The following CSMD2 variants were observed in gnomAD, a reference collection of about 807,000 sequenced individuals.
CSMD2 encodes CUB and sushi domain-containing protein 2.
A neutral mutation model predicts 398.5 loss-of-function variants in CSMD2; 130 were observed. The observed-to-expected ratio is 0.33, with a 90% CI of 0.28 to 0.38. The LOEUF (loss-of-function observed/expected upper bound fraction) is 0.38. Among genes scored for constraint, CSMD2 ranks in the 10% least tolerant of loss-of-function variants. The pLI is 1.00. For synonymous variants in CSMD2, 1,828 were observed against 1,908.5 expected (o/e 0.96, Z 1.10); for missense variants, 3,829 against 4,764.9 (o/e 0.80, Z 5.78).
At chr1:34,128,304 G>A (rs552422731) in intron 1 of CSMD2, among the ~76,000 whole-genome samples, 13 of 152,252 alleles carry the variant, frequency 8.5e-5, no homozygotes, top group South Asian at 2.1e-4. Context: ...AGACTGAGGC[G>A]GAAAACCTCT....
rs538276528 is a variant in CSMD2 at position 33,656,100 on chromosome 1, G to A, written c.4447+1846C>T. ...GATGGAATTCTGGCTTAGGGAAGGGGAAGGGAGTCTGAAGACTTGAAAGAA... is the reference window on the plus strand; with the variant it reads ...GATGGAATTCTGGCTTAGGGAAGGGAAAGGGAGTCTGAAGACTTGAAAGAA... On this transcript the variant is annotated intron_variant, in intron 27 of 70. Transcript: ENST00000373381. Among the ~76,000 whole-genome samples, 131 of 147,830 alleles carry A rather than the reference G, an allele frequency of 8.9e-4. 1 individual carries two copies. In the East Asian group the frequency reaches 0.023, roughly 26 times the overall value.
intron 6 of CSMD2, among the ~76,000 whole-genome samples, chr1:33,830,345 T>C (rs929696495): frequency 2.6e-5 from 4 of 152,132 alleles, no homozygotes; most frequent in Admixed American, 6.5e-5. Context: ...GCAGCATTCG[T>C]GGTTCACGAA....
intron 3 of CSMD2, among the ~76,000 whole-genome samples, chr1:33,983,450 G>T (rs1056114618): frequency 2.6e-5 from 4 of 152,146 alleles, no homozygotes; most frequent in Non-Finnish European, 4.4e-5. Flanking sequence ...TTGGAGACTG[G>T]TTATGTAGAA....
intron 53 of CSMD2, among the ~76,000 whole-genome samples, chr1:33,564,078 T>A (rs1040670522): frequency 2.5e-4 from 38 of 151,316 alleles, no homozygotes; most frequent in Non-Finnish European, 5.2e-4. Context: ...TACCATCATC[T>A]TCATCATCAT....
intron 3 of CSMD2, among the ~76,000 whole-genome samples, chr1:33,937,040 A>C (rs1176763362): frequency 6.6e-6 from 1 of 152,134 alleles, no homozygotes; most frequent in Non-Finnish European, 1.5e-5. Flanking sequence ...AAGTCTTTTA[A>C]CCTTTTTGCA....
chr1:33,719,744 T>C (rs1329538693), intron 19 of CSMD2, among the ~76,000 whole-genome samples: 1 of 152,166 alleles, frequency 6.6e-6, no homozygotes, highest in Non-Finnish European at 1.5e-5. Flanking sequence ...AGGTTCCAGG[T>C]TCTTCAACTG....
At chr1:34,111,795 A>G (rs1035364107) in intron 1 of CSMD2, among the ~76,000 whole-genome samples, 24 of 152,064 alleles carry the variant, frequency 1.6e-4, no homozygotes, top group African/African-American at 5.6e-4. Context: ...GGGAGAGAGA[A>G]AAAGATTTGG....
chr1:34,041,806 A>C (rs1279681453), intron 2 of CSMD2, among the ~76,000 whole-genome samples: 1 of 152,210 alleles, frequency 6.6e-6, no homozygotes, highest in African/African-American at 2.4e-5. Context: ...TGGCAAAGAA[A>C]AAGGACCACA....
intron 65 of CSMD2, among the ~76,000 whole-genome samples, chr1:33,526,466 T>C (rs1654784143): frequency 6.6e-6 from 1 of 152,256 alleles, no homozygotes; most frequent in African/African-American, 2.4e-5. Flanking sequence ...AAATGACTAA[T>C]GTTGTAAATT....
intron 9 of CSMD2, among the ~76,000 whole-genome samples, chr1:33,816,812 C>T (rs925948560): frequency 2.0e-5 from 3 of 152,194 alleles, no homozygotes; most frequent in Non-Finnish European, 4.4e-5. Flanking sequence ...ATCACTGATT[C>T]ATTCAGGTGG....
intron 64 of CSMD2, among the ~76,000 whole-genome samples, chr1:33,527,550 G>T (rs1341495285): frequency 1.3e-5 from 2 of 152,104 alleles, no homozygotes; most frequent in African/African-American, 4.8e-5. Flanking sequence ...CTTTATTACT[G>T]CATTAAATAA....
intron 22 of CSMD2, among the ~76,000 whole-genome samples, chr1:33,701,009 C>T (rs913838036): frequency 6.6e-6 from 1 of 152,150 alleles, no homozygotes; most frequent in Admixed American, 6.5e-5. Context: ...CCTGGGGAGG[C>T]CAGGTTTGGG....
chr1:33,681,701 C>T (rs1296850542), intron 25 of CSMD2, among the ~76,000 whole-genome samples: 5 of 152,188 alleles, frequency 3.3e-5, no homozygotes, highest in Non-Finnish European at 5.9e-5. Flanking sequence ...CATGATGGCT[C>T]ATGCCTGTAA....
rs1035663622 is a variant in CSMD2 at position 33,612,062 on chromosome 1, GC to G, written c.6134-813del. Among the ~76,000 whole-genome samples the G allele has an allele frequency of 6.6e-5, 10 of 152,282 alleles. No homozygotes were observed. In the East Asian group the frequency reaches 9.6e-4, roughly 15 times the overall value. On this transcript the variant is annotated intron_variant, in intron 40 of 70. Coordinates refer to ENST00000373381, the MANE Select transcript of CSMD2 (RefSeq NM_001281956.2). ...AACATGGAAGAATATTAATTTGCCT[GC>G]TAGGAATATTTGCTGGGCATTTGCT...
intron 68 of CSMD2, among the ~76,000 whole-genome samples, chr1:33,520,322 T>C (rs1444182670): frequency 6.6e-6 from 1 of 152,208 alleles, no homozygotes; most frequent in South Asian, 2.1e-4. Flanking sequence ...CACAACAAAA[T>C]ATAAGACAGA....
chr1:34,077,403 G>A (rs1656531378), intron 2 of CSMD2, among the ~76,000 whole-genome samples: 1 of 130,412 alleles, frequency 7.7e-6, no homozygotes, highest in Non-Finnish European at 1.6e-5. Flanking sequence ...CTTGCACTGA[G>A]CCAAGATTGT....
chr1:34,009,931 G>A (rs147196712), intron 3 of CSMD2, among the ~76,000 whole-genome samples: 1 of 152,252 alleles, frequency 6.6e-6, no homozygotes, highest in East Asian at 1.9e-4. Context: ...TTTCCTAAGT[G>A]GGCTCCCAGC....
chr1:33,592,337 C>T (rs1639516169), intron 44 of CSMD2: 8 of 714,340 alleles, frequency 1.1e-5, no homozygotes, highest in South Asian at 8.9e-5. Context: ...AAAGTAGAAT[C>T]TCTTGGGTCC....
chr1:33,677,668 T>C (rs1327267985), intron 25 of CSMD2, among the ~76,000 whole-genome samples: 1 of 152,176 alleles, frequency 6.6e-6, no homozygotes, highest in African/African-American at 2.4e-5. Flanking sequence ...TGTATGTTTA[T>C]GGCGGCACTA....
Sources: allele counts gnomAD v4.1 joint callset (sites outside exome capture counted in the v4.1 genomes callset), GRCh38; gene constraint gnomAD v4.1.1; transcripts MANE v1.5; gene names NCBI Gene and HGNC (gene_info 2026-07-23, HGNC 2026-07-21).